HYCC1: variants seen among roughly 807,000 people sequenced by gnomAD.
The protein encoded by HYCC1 is hyccin.
At chr7:22,925,752 C>A in the HYCC1 span, among the ~76,000 whole-genome samples, 5 of 152,200 alleles carry the variant, frequency 3.3e-5, no homozygotes, top group African/African-American at 7.2e-5. Context: ...AGTTGGAAAA[C>A]ACTCTGCAGG....
the HYCC1 span, chr7:22,938,986 T>A: frequency 6.6e-6 from 1 of 152,196 alleles, no homozygotes; most frequent in Non-Finnish European, 1.5e-5. Context: ...GTATTATACA[T>A]ATACACACAC....
the HYCC1 span, among the ~76,000 whole-genome samples, chr7:22,956,775 G>A: frequency 6.6e-5 from 10 of 151,628 alleles, no homozygotes; most frequent in African/African-American, 2.4e-4. Flanking sequence ...AAAAAATAAA[G>A]TTTACTAAAA....
chr7:23,004,040 T>C, the HYCC1 span, among the ~76,000 whole-genome samples: 1 of 152,220 alleles, frequency 6.6e-6, no homozygotes, highest in Non-Finnish European at 1.5e-5. Context: ...TCATATTAAC[T>C]GGGCTAAGAG....
chr7:22,942,391 C>T, the HYCC1 span: 1 of 152,138 alleles, frequency 6.6e-6, no homozygotes, highest in Non-Finnish European at 1.5e-5. Context: ...CAAAGGACTC[C>T]AGGGTGCTTT....
chr7:22,904,870 CAAAA>C, the HYCC1 span, among the ~76,000 whole-genome samples: 3 of 104,960 alleles, frequency 2.9e-5, no homozygotes, highest in Non-Finnish European at 4.1e-5. Context: ...GACTTTGTCT[CAAAA>C]AAAAAAAAAA....
At chr7:22,909,451 C>T in the HYCC1 span, among the ~76,000 whole-genome samples, 1 of 152,168 alleles carries the variant, frequency 6.6e-6, no homozygotes, top group Non-Finnish European at 1.5e-5. Context: ...ATTACCCAGT[C>T]TCAAGTATTT....
chr7:22,994,769 C>A, the HYCC1 span, among the ~76,000 whole-genome samples: 1 of 152,130 alleles, frequency 6.6e-6, no homozygotes, highest in Non-Finnish European at 1.5e-5. Flanking sequence ...AGTCTCACCA[C>A]CACTGTCTGC....
At chr7:22,964,835 T>C in the HYCC1 span, among the ~76,000 whole-genome samples, 1 of 152,134 alleles carries the variant, frequency 6.6e-6, no homozygotes, top group African/African-American at 2.4e-5. Flanking sequence ...CTAAACCTAC[T>C]ACATGAAACT....
At chr7:22,996,444 G>T in the HYCC1 span, among the ~76,000 whole-genome samples, 4 of 151,790 alleles carry the variant, frequency 2.6e-5, no homozygotes, top group African/African-American at 9.7e-5. Flanking sequence ...GGAGGTACAT[G>T]TGCAGGTTTG....
chr7:22,920,667 C>G, the HYCC1 span, among the ~76,000 whole-genome samples: 2 of 152,278 alleles, frequency 1.3e-5, no homozygotes, highest in African/African-American at 2.4e-5. Flanking sequence ...AAGTATAAAT[C>G]CACATGAAAA....
At chr7:22,896,988 G>A in the HYCC1 span, among the ~76,000 whole-genome samples, 102 of 62,678 alleles carry the variant, frequency 1.6e-3, no homozygotes, top group East Asian at 0.023. Context: ...AAGTGTAAGA[G>A]GGAGGCAAAG....
At chr7:22,951,270 G>A in the HYCC1 span, among the ~76,000 whole-genome samples, 1 of 151,490 alleles carries the variant, frequency 6.6e-6, no homozygotes, top group African/African-American at 2.4e-5. Flanking sequence ...TTTGTTTTAT[G>A]GCTGCCATAT....
chr7:22,902,907 G>T, the HYCC1 span, among the ~76,000 whole-genome samples: 1 of 152,052 alleles, frequency 6.6e-6, no homozygotes, highest in African/African-American at 2.4e-5. Flanking sequence ...TGGAAGAAAT[G>T]ATAAATTAAA....
chr7:22,992,349 T>TA, the HYCC1 span, among the ~76,000 whole-genome samples: 1 of 152,206 alleles, frequency 6.6e-6, no homozygotes, highest in African/African-American at 2.4e-5. Context: ...ATTTTTAAAA[T>TA]AAAAAATATT....
chr7:22,910,240 G>C, the HYCC1 span, among the ~76,000 whole-genome samples: 2 of 152,174 alleles, frequency 1.3e-5, no homozygotes, highest in African/African-American at 4.8e-5. Context: ...CTCATGAATG[G>C]TTTGATGCCC....
the HYCC1 span, among the ~76,000 whole-genome samples, chr7:22,979,099 T>C: frequency 2.6e-5 from 4 of 152,186 alleles, no homozygotes; most frequent in Non-Finnish European, 5.9e-5. Flanking sequence ...TATCAGGCTA[T>C]TTATTATATA....
At chr7:22,937,335 T>C in the HYCC1 span, 8 of 152,186 alleles carry the variant, frequency 5.3e-5, no homozygotes, top group African/African-American at 1.9e-4. Flanking sequence ...GAATTCAGTG[T>C]TGAAGTTAGG....
chr7:22,966,248 T>G, the HYCC1 span, among the ~76,000 whole-genome samples: 2 of 152,224 alleles, frequency 1.3e-5, no homozygotes, highest in African/African-American at 4.8e-5. Flanking sequence ...TACATGTATT[T>G]TTGAACTTTC....
the HYCC1 span, among the ~76,000 whole-genome samples, chr7:22,924,274 AT>A: frequency 6.6e-6 from 1 of 151,592 alleles, no homozygotes; most frequent in Non-Finnish European, 1.5e-5. Flanking sequence ...AAGACGGGTG[AT>A]TTCCGCATTT....
Sources: allele counts gnomAD v4.1 joint callset (sites outside exome capture counted in the v4.1 genomes callset), GRCh38; gene constraint gnomAD v4.1.1; transcripts MANE v1.5; gene names NCBI Gene and HGNC (gene_info 2026-07-23, HGNC 2026-07-21).